SLC12A8: variants seen among roughly 807,000 people sequenced by gnomAD.
SLC12A8 encodes solute carrier family 12 member 8, also known as cation-chloride cotransporter 9.
In SLC12A8, 69 loss-of-function variants were observed where a neutral mutation model predicts 75.6. The ratio of observed to expected loss-of-function variants is 0.91; its 90% CI spans 0.75 to 1.11. The LOEUF is 1.11. SLC12A8 is among the 50% of genes most tolerant of loss of function. The pLI, the probability that SLC12A8 is intolerant of heterozygous loss-of-function variation, is 0.00. For missense variants in SLC12A8, 877 were observed against 896.7 expected (o/e 0.98, Z 0.28); for synonymous variants, 365 against 372.8 (o/e 0.98, Z 0.24).
chr3:125,121,272 G>T (rs866353836), intron 6 of SLC12A8, among the ~76,000 whole-genome samples: 1 of 152,230 alleles, frequency 6.6e-6, no homozygotes, highest in Non-Finnish European at 1.5e-5. Context: ...TAATGAAAAT[G>T]AATTAATCCA....
chr3:125,120,721 GCCT>G, intron 6 of SLC12A8, 35 bp from the exon 7 acceptor site: 1 of 1,533,626 alleles, frequency 6.5e-7, no homozygotes, highest in Non-Finnish European at 9.0e-7. Flanking sequence ...GGGGTGAGCA[GCCT>G]CCTCCACGCA....
chr3:125,115,538 A>AAC (rs1939289342), intron 8 of SLC12A8, among the ~76,000 whole-genome samples: 2 of 147,618 alleles, frequency 1.4e-5, no homozygotes, highest in Admixed American at 1.4e-4. Context: ...AAAACAAACA[A>AAC]AAAAAAAAAG....
intron 5 of SLC12A8, among the ~76,000 whole-genome samples, chr3:125,166,417 T>C (rs1934291174): frequency 6.6e-6 from 1 of 152,152 alleles, no homozygotes; most frequent in Admixed American, 6.5e-5. Flanking sequence ...TTCATCCCTA[T>C]CCTGGGCCAG....
chr3:125,207,886 G>A (rs1394014485), intron 2 of SLC12A8, among the ~76,000 whole-genome samples: 1 of 152,200 alleles, frequency 6.6e-6, no homozygotes, highest in African/African-American at 2.4e-5. Flanking sequence ...CATCAAATGA[G>A]CATTTTACTT....
intron 6 of SLC12A8, chr3:125,120,976 C>T (rs1263933539): frequency 9.0e-6 from 6 of 666,412 alleles, no homozygotes; most frequent in East Asian, 2.7e-5. Flanking sequence ...GGGAGGAAAG[C>T]GGCTTGCAAG....
chr3:125,100,628 G>A (rs185807296), intron 10 of SLC12A8, among the ~76,000 whole-genome samples: 1,958 of 151,216 alleles, frequency 0.013, 51 homozygotes, highest in African/African-American at 0.043. Context: ...GGCTGGTCTC[G>A]AACTCCTGAC....
intron 2 of SLC12A8, among the ~76,000 whole-genome samples, chr3:125,208,432 C>T (rs528632293): frequency 6.6e-6 from 1 of 152,282 alleles, no homozygotes; most frequent in South Asian, 2.1e-4. Flanking sequence ...GGATTAAATA[C>T]ATACTCCCCT....
At chr3:125,115,461 T>C (rs747693724) in intron 8 of SLC12A8, among the ~76,000 whole-genome samples, 1 of 151,638 alleles carries the variant, frequency 6.6e-6, no homozygotes, top group Non-Finnish European at 1.5e-5. Context: ...AGGTGGAGGT[T>C]GCAGTGAGCT....
At position 125,205,720 on chromosome 3, in the gene SLC12A8, C is replaced by T. The variant is rs565658714; in HGVS notation, c.51+5579G>A. On this transcript the variant is annotated intron_variant, in intron 2 of 13. Transcript: ENST00000469902. ...GACCAGAGGTGGTTTTATGGTGAAG[C>T]TAACAGCTTAAGCCTTAGGACGCAT... Among the ~76,000 whole-genome samples the T allele has an allele frequency of 1.7e-4, 26 of 152,306 alleles. No homozygotes were observed. In the South Asian group the frequency reaches 5.4e-3, roughly 32 times the overall value.
chr3:125,187,201 G>T (rs376404902), intron 4 of SLC12A8, 36 bp downstream of exon 4: 94 of 1,600,182 alleles, frequency 5.9e-5, no homozygotes, highest in Non-Finnish European at 7.4e-5. Context: ...GTGGCAGAGG[G>T]CCAGGCAGGG....
intron 5 of SLC12A8, among the ~76,000 whole-genome samples, chr3:125,146,224 G>A (rs1448848263): frequency 6.6e-6 from 1 of 152,190 alleles, no homozygotes; most frequent in Non-Finnish European, 1.5e-5. Context: ...CTGTAGATAA[G>A]GGGAACTACT....
chr3:125,101,422 G>C lies in SLC12A8; in HGVS notation c.1705+6059C>G, dbSNP rs909169165. ...ATGAGTGAGCATTAATTTTTCAAAT[G>C]TAAAACTTTGTATTTATCTCACCTG... On this transcript the variant is annotated intron_variant, in intron 10 of 13. Coordinates refer to ENST00000469902, the MANE Select transcript of SLC12A8 (RefSeq NM_024628.6). 2.0e-5 allele frequency among the ~76,000 whole-genome samples: 3 copies of C among 152,208 alleles called. No individual in the cohort carries two copies. In the East Asian group the frequency reaches 5.8e-4, roughly 29 times the overall value.
chr3:125,112,714 A>C (rs1939218514), intron 8 of SLC12A8, among the ~76,000 whole-genome samples: 1 of 152,202 alleles, frequency 6.6e-6, no homozygotes, highest in Non-Finnish European at 1.5e-5. Flanking sequence ...GCCTATGTTG[A>C]CTGGTTTTTA....
intron 6 of SLC12A8, among the ~76,000 whole-genome samples, chr3:125,130,008 A>C (rs1358352853): frequency 1.3e-5 from 2 of 152,238 alleles, no homozygotes; most frequent in Non-Finnish European, 2.9e-5. Flanking sequence ...ATAAAGGATC[A>C]GATCAATGAT....
chr3:125,155,750 C>CA (rs1159877630), intron 5 of SLC12A8, among the ~76,000 whole-genome samples: 23,743 of 69,156 alleles, frequency 0.34, 3,262 homozygotes, highest in African/African-American at 0.4. Flanking sequence ...GACTCTGTCT[C>CA]AAAAAAAAAA....
intron 5 of SLC12A8, among the ~76,000 whole-genome samples, chr3:125,165,242 G>A (rs762013496): frequency 6.6e-6 from 1 of 152,194 alleles, no homozygotes; most frequent in East Asian, 1.9e-4. Flanking sequence ...GCCATTTCAC[G>A]CAAAAGAGTG....
intron 2 of SLC12A8, 60 bp downstream of exon 2, chr3:125,211,239 G>C: frequency 7.2e-7 from 1 of 1,391,746 alleles, no homozygotes; most frequent in Non-Finnish European, 1.0e-6. Flanking sequence ...CCAGCCCACT[G>C]TCTGGGGATC....
rs143791770 is a variant in SLC12A8 at position 125,136,467 on chromosome 3, G to A, written c.623-685C>T. On this transcript the variant is annotated intron_variant, in intron 5 of 13. Coordinates refer to ENST00000469902, the MANE Select transcript of SLC12A8 (RefSeq NM_024628.6). ...CAGAATCTATTCCTCCCCCCTCACTGCTGTTGACGCTAGGTCTGGCCACAG... is the reference window on the plus strand; with the variant it reads ...CAGAATCTATTCCTCCCCCCTCACTACTGTTGACGCTAGGTCTGGCCACAG... 2.2e-3 allele frequency among the ~76,000 whole-genome samples: 337 copies of A among 152,256 alleles called. 6 individuals are homozygous for A. Among genetic ancestry groups the A allele is most frequent in the East Asian group, 0.019 (96 of 5,180 alleles).
At chr3:125,084,465 A>G (rs1263886366) in intron 13 of SLC12A8, among the ~76,000 whole-genome samples, 2 of 152,160 alleles carry the variant, frequency 1.3e-5, no homozygotes, top group Non-Finnish European at 2.9e-5. Flanking sequence ...TCGTAGGTCT[A>G]TTGAAAAGAA....
Sources: allele counts gnomAD v4.1 joint callset (sites outside exome capture counted in the v4.1 genomes callset), GRCh38; gene constraint gnomAD v4.1.1; transcripts MANE v1.5; gene names NCBI Gene and HGNC (gene_info 2026-07-23, HGNC 2026-07-21).